The following WWOX variants were observed in gnomAD, a reference collection of about 807,000 sequenced individuals.
The protein encoded by WWOX is WW domain containing oxidoreductase, also known as WW domain-containing oxidoreductase.
In WWOX, 69 loss-of-function variants were observed where a neutral mutation model predicts 46.2. The observed-to-expected ratio is 1.49, with a 90% CI of 1.23 to 1.82. The LOEUF is 1.82. WWOX is among the 40% of genes most tolerant of loss of function. The probability of loss-of-function intolerance (pLI) is 0.00; values close to 1 mark genes in which losing one functional copy is unlikely to be tolerated. For synonymous variants in WWOX, 359 were observed against 202.6 expected (o/e 1.77, Z -6.56); for missense variants, 919 against 542.6 (o/e 1.69, Z -6.89).
At chr16:78,159,348 C>A (rs1482546837) in intron 4 of WWOX, among the ~76,000 whole-genome samples, 2 of 152,026 alleles carry the variant, frequency 1.3e-5, no homozygotes. Flanking sequence ...GATCATAATC[C>A]AGCAATTTTT....
intron 8 of WWOX, among the ~76,000 whole-genome samples, chr16:79,060,842 T>G (rs1458436352): frequency 6.6e-6 from 1 of 152,190 alleles, no homozygotes; most frequent in African/African-American, 2.4e-5. Flanking sequence ...GGCCAATAAT[T>G]TTATTGAAAT....
At chr16:78,210,074 A>G (rs2151786346) in intron 5 of WWOX, among the ~76,000 whole-genome samples, 1 of 152,318 alleles carries the variant, frequency 6.6e-6, no homozygotes, top group Non-Finnish European at 1.5e-5. Context: ...ATGTTGGAAA[A>G]ATGACGTGTG....
At chr16:78,693,785 G>C (rs2048040961) in intron 8 of WWOX, among the ~76,000 whole-genome samples, 1 of 152,114 alleles carries the variant, frequency 6.6e-6, no homozygotes, top group South Asian at 2.1e-4. Flanking sequence ...GCTGAGAATT[G>C]TTGATCTAGG....
At chr16:79,198,983 G>C (rs2051294411) in intron 8 of WWOX, among the ~76,000 whole-genome samples, 1 of 152,122 alleles carries the variant, frequency 6.6e-6, no homozygotes, top group Admixed American at 6.5e-5. Context: ...ATGTGATTTG[G>C]TTCAGCTCCT....
At chr16:78,856,362 G>C (rs1037055080) in intron 8 of WWOX, among the ~76,000 whole-genome samples, 1 of 152,168 alleles carries the variant, frequency 6.6e-6, no homozygotes, top group Non-Finnish European at 1.5e-5. Context: ...AATAGATCTA[G>C]CCTGGCACAG....
chr16:78,893,247 G>A (rs903679612), intron 8 of WWOX, among the ~76,000 whole-genome samples: 6 of 151,968 alleles, frequency 3.9e-5, no homozygotes, highest in Non-Finnish European at 5.9e-5. Flanking sequence ...TGAAATAAGG[G>A]AAGACATTCT....
Position 78,372,842 on chromosome 16 carries a change from TG to T in WWOX, c.517-14017del, listed in dbSNP as rs368333325. On this transcript the variant is annotated intron_variant, in intron 5 of 8. Transcript: ENST00000566780. Reference sequence around the variant, plus strand: ...CTCAAGTTGCTTTATTTTTCTAATTTGTTATCATCATGCCTCTCTTTCAGCA... The same window carrying T: ...CTCAAGTTGCTTTATTTTTCTAATTTTTATCATCATGCCTCTCTTTCAGCA... Among the ~76,000 whole-genome samples, 357 of 152,296 alleles carry T rather than the reference TG, an allele frequency of 2.3e-3. 1 individual carries two copies. Among genetic ancestry groups the T allele is most frequent in the Middle Eastern group, 6.8e-3 (2 of 294 alleles).
intron 8 of WWOX, among the ~76,000 whole-genome samples, chr16:78,886,303 C>G (rs1167894305): frequency 6.7e-6 from 1 of 149,120 alleles, no homozygotes; most frequent in Non-Finnish European, 1.5e-5. Context: ...AAAGCATTTA[C>G]TTTTTGCCTC....
chr16:78,880,097 CACTT>C, intron 8 of WWOX, among the ~76,000 whole-genome samples: 1 of 152,204 alleles, frequency 6.6e-6, no homozygotes, highest in Admixed American at 6.5e-5. Flanking sequence ...ACTTGTCAAA[CACTT>C]ACATTTGTGA....
chr16:79,097,443 C>T (rs761344555), intron 8 of WWOX, among the ~76,000 whole-genome samples: 8 of 151,112 alleles, frequency 5.3e-5, no homozygotes, highest in African/African-American at 1.2e-4. Context: ...TTGCAACCAA[C>T]GCTGTGATCT....
rs1276746360 is a variant in WWOX, at chr16:79,027,373, A to G, written c.1057-184235A>G. 4.6e-5 allele frequency among the ~76,000 whole-genome samples: 7 copies of G among 151,410 alleles called. 1 individual carries two copies. Among genetic ancestry groups the G allele is most frequent in the African/African-American group, 1.7e-4 (7 of 40,922 alleles). On this transcript the variant is annotated intron_variant, in intron 8 of 8. Transcript: ENST00000566780. ...TTTCATTGCAAAATGAAAATTCTTC[A>G]TTGTTATTATAATTACTTCAAGGAG... is the stretch of plus-strand genomic sequence containing the variant.
At chr16:78,968,073 TATGGCACAGTGCATGGTCCGC>T (rs1567445946) in intron 8 of WWOX, among the ~76,000 whole-genome samples, 10 of 149,802 alleles carry the variant, frequency 6.7e-5, no homozygotes, top group East Asian at 1.9e-4. Context: ...GTGTGGTCTG[TATGGCACAGTGCATGGTCCGC>T]ATGGCACAGC....
At chr16:78,243,306 A>C (rs926008334) in intron 5 of WWOX, among the ~76,000 whole-genome samples, 5 of 152,236 alleles carry the variant, frequency 3.3e-5, no homozygotes, top group African/African-American at 4.8e-5. Flanking sequence ...AAATATCTGC[A>C]GTAACTGATG....
intron 8 of WWOX, chr16:78,551,774 C>A (rs192890203): frequency 6.6e-6 from 1 of 152,140 alleles, no homozygotes; most frequent in African/African-American, 2.4e-5. Context: ...CTTTGTTTGT[C>A]CTCTGCCGAG....
chr16:78,189,350 T>C (rs537805810), intron 5 of WWOX, among the ~76,000 whole-genome samples: 1 of 152,318 alleles, frequency 6.6e-6, no homozygotes, highest in South Asian at 2.1e-4. Flanking sequence ...TTGGTAGCCG[T>C]GGGCACTTTG....
intron 1 of WWOX, 111 bp downstream of exon 1, chr16:78,099,996 G>A (rs896923078): frequency 1.1e-5 from 17 of 1,508,204 alleles, no homozygotes. Context: ...GGTGCAAAGT[G>A]AAAGTAACTG....
At position 78,343,680 on chromosome 16, in the gene WWOX, G is replaced by C. The variant is rs187605138; in HGVS notation, c.517-43180G>C. On this transcript the variant is annotated intron_variant, in intron 5 of 8. Transcript: ENST00000566780. ...TAAATAGCACATGTGCTAGATAGCA[G>C]ATTTGTGTATGGATATGCACCCGGC... is the stretch of plus-strand genomic sequence containing the variant. Among the ~76,000 whole-genome samples the C allele has an allele frequency of 1.3e-4, 16 of 121,414 alleles. 5 individuals are homozygous for C. The highest frequency in any genetic ancestry group is 4.5e-4 in the African/African-American group (16 of 35,946). The allele number at this position is 121,414 out of a possible 152,430, so 79.7% of individuals were successfully genotyped here. A position where few individuals can be genotyped will look rare whatever the true frequency, so the allele number is the denominator to read the frequency against.
At chr16:78,101,454 C>G (rs1003911343) in intron 1 of WWOX, among the ~76,000 whole-genome samples, 1 of 150,522 alleles carries the variant, frequency 6.6e-6, no homozygotes, top group Non-Finnish European at 1.5e-5. Context: ...TCAAGCGATT[C>G]TCGTGTCTCA....
At chr16:78,362,100 C>T (rs11642404) in intron 5 of WWOX, among the ~76,000 whole-genome samples, 5 of 151,396 alleles carry the variant, frequency 3.3e-5, no homozygotes, top group African/African-American at 9.7e-5. Flanking sequence ...CTACATTCTT[C>T]CTCACTCCCC....
Sources: gnomAD v4.1 joint callset for allele counts (sites outside exome capture counted in the v4.1 genomes callset) on GRCh38, gnomAD v4.1.1 for gene constraint, MANE v1.5 for transcripts, NCBI Gene and HGNC (gene_info 2026-07-23, HGNC 2026-07-21) for gene names.